Variants in SDAD1 observed in about 807,000 individuals in gnomAD.
SDAD1 encodes the protein SDA1 domain containing 1, also known as protein SDA1 homolog.
Under a neutral mutation model 100.3 loss-of-function variants are expected in SDAD1, and 79 were observed. That is an observed-to-expected ratio of 0.79 (90% CI 0.66 to 0.95). The LOEUF (loss-of-function observed/expected upper bound fraction) is 0.95, where lower values mean the gene tolerates loss of function less well. Among genes scored for constraint, SDAD1 ranks in the 40% least tolerant of loss-of-function variants. SDAD1 has a pLI of 0.00. For missense variants in SDAD1, 790 were observed against 810.9 expected (o/e 0.97, Z 0.31); for synonymous variants, 267 against 271.4 (o/e 0.98, Z 0.16).
chr4:75,985,353 C>T (rs1730828945), intron 1 of SDAD1, among the ~76,000 whole-genome samples: 1 of 152,210 alleles, frequency 6.6e-6, no homozygotes, highest in Non-Finnish European at 1.5e-5. Context: ...TCCTGACACA[C>T]TGCTACGTCG....
Sources: gnomAD v4.1 joint callset for allele counts (sites outside exome capture counted in the v4.1 genomes callset) on GRCh38, gnomAD v4.1.1 for gene constraint, MANE v1.5 for transcripts, NCBI Gene and HGNC (gene_info 2026-07-23, HGNC 2026-07-21) for gene names.